GLDC: variants seen among roughly 807,000 people sequenced by gnomAD.
GLDC encodes glycine dehydrogenase (decarboxylating), mitochondrial.
In GLDC, 104 loss-of-function variants were observed where a neutral mutation model predicts 121.3. The ratio of observed to expected loss-of-function variants is 0.86; its 90% confidence interval spans 0.73 to 1.01. GLDC has a LOEUF of 1.01. GLDC is among the 50% of genes least tolerant of loss of function. The pLI, the probability that GLDC is intolerant of heterozygous loss-of-function variation, is 0.00. For synonymous variants in GLDC, 546 were observed against 480.6 expected, an observed-to-expected ratio of 1.14 and a Z score of -1.78; for missense variants, 1,429 against 1,306.6, an observed-to-expected ratio of 1.09 and a Z score of -1.44.
At chr9:6,622,295 G>A (rs935681008) in intron 2 of GLDC, among the ~76,000 whole-genome samples, 12 of 148,104 alleles carry the variant, frequency 8.1e-5, no homozygotes, top group African/African-American at 3.0e-4. Context: ...TCCACGGGCC[G>A]AAGCTGGACT....
intron 15 of GLDC, among the ~76,000 whole-genome samples, chr9:6,566,870 T>C (rs1587932567): frequency 6.6e-6 from 1 of 152,234 alleles, no homozygotes; most frequent in East Asian, 1.9e-4. Flanking sequence ...AATGTGTATG[T>C]TCTCCATGCC....
chr9:6,640,777 A>G (rs1819615439), intron 2 of GLDC, among the ~76,000 whole-genome samples: 1 of 152,226 alleles, frequency 6.6e-6, no homozygotes, highest in Non-Finnish European at 1.5e-5. Flanking sequence ...GAGGCATACC[A>G]TAGCTAAAAG....
intron 12 of GLDC, 138 bp downstream of exon 12, chr9:6,589,057 T>G: frequency 1.4e-6 from 1 of 735,930 alleles, no homozygotes; most frequent in Non-Finnish European, 2.5e-6. Flanking sequence ...GGGATCGTTA[T>G]GAGGATGAAA....
At chr9:6,638,708 G>A (rs1164209809) in intron 2 of GLDC, among the ~76,000 whole-genome samples, 1 of 151,890 alleles carries the variant, frequency 6.6e-6, no homozygotes, top group African/African-American at 2.4e-5. Flanking sequence ...TAGTGACTAT[G>A]TTTATTCAAA....
chr9:6,602,298 G>T, intron 7 of GLDC, 93 bp from the exon 8 acceptor site: 5 of 827,358 alleles, frequency 6.0e-6, no homozygotes, highest in Middle Eastern at 2.2e-4. Context: ...CCAGCTTGAA[G>T]TGAATTCAGC....
At chr9:6,640,297 G>A (rs1020523439) in intron 2 of GLDC, among the ~76,000 whole-genome samples, 9 of 152,320 alleles carry the variant, frequency 5.9e-5, no homozygotes, top group East Asian at 1.9e-4. Context: ...TGAATGAGTC[G>A]GGAATGGCCA....
chr9:6,617,424 C>G (rs1818987262), intron 3 of GLDC, among the ~76,000 whole-genome samples: 1 of 152,044 alleles, frequency 6.6e-6, no homozygotes, highest in African/African-American at 2.4e-5. Flanking sequence ...GGCCAGTATT[C>G]AGATGGCTGG....
intron 9 of GLDC, 163 bp from the exon 10 acceptor site, chr9:6,593,153 G>A: frequency 2.9e-6 from 2 of 678,190 alleles, no homozygotes; most frequent in Non-Finnish European, 5.2e-6. Context: ...TTATTATCAT[G>A]CTGTAGAAAA....
intron 11 of GLDC, 22 bp downstream of exon 11, chr9:6,592,121 C>A (rs78073049): frequency 2.1e-6 from 3 of 1,422,906 alleles, no homozygotes; most frequent in South Asian, 1.1e-5. Context: ...TGATGAGGAA[C>A]GCATGTTTTT....
chr9:6,555,327 C>T (rs1817601936), intron 18 of GLDC, among the ~76,000 whole-genome samples: 2 of 152,210 alleles, frequency 1.3e-5, no homozygotes, highest in African/African-American at 2.4e-5. Context: ...CATGCCATCC[C>T]ACTAGCCTTC....
At chr9:6,540,357 T>G (rs939732843) in intron 21 of GLDC, 11 of 552,538 alleles carry the variant, frequency 2.0e-5, no homozygotes, top group South Asian at 4.0e-5. Flanking sequence ...ACTGTGCCGA[T>G]GTGTCTTATC....
intron 4 of GLDC, among the ~76,000 whole-genome samples, chr9:6,607,213 T>C (rs1182394007): frequency 6.6e-6 from 1 of 152,214 alleles, no homozygotes; most frequent in Admixed American, 6.5e-5. Context: ...CAATAACAAT[T>C]TTTAAAAAAT....
chr9:6,645,190 C>T, intron 1 of GLDC, 55 bp downstream of exon 1: 2 of 1,502,248 alleles, frequency 1.3e-6, no homozygotes, highest in Non-Finnish European at 1.8e-6. Flanking sequence ...GCCGCGCAGG[C>T]AGAGCCCGGG....
At chr9:6,622,517 T>C (rs543729623) in intron 2 of GLDC, among the ~76,000 whole-genome samples, 151 of 152,276 alleles carry the variant, frequency 9.9e-4, no homozygotes, top group African/African-American at 3.5e-3. Context: ...GTGCCGGGAT[T>C]GCAGACAGAG....
Position 6,592,919 on chromosome 9 carries a change from A to G in GLDC, c.1333T>C (p.Ser445Pro), listed in dbSNP as rs756770984. 3.1e-6 allele frequency: 5 copies of G among 1,613,868 alleles called. No individual in the cohort carries two copies. Among genetic ancestry groups the G allele is most frequent in the Non-Finnish European group, 4.2e-6 (5 of 1,179,810 alleles). The change falls in exon 10 of 25, where the codon TCA becomes CCA. Residue 445 changes from serine (S) to proline (P), a missense_variant. Physicochemically the swap from Ser to Pro is moderately conservative, Grantham distance 74. Transcript: ENST00000321612. The part of the protein sequence containing the change: ...FDTLKIQCGC[S>P]VKEVLGRAAQ... ...GCCCTGCCCAAGACCTCCTTCACTGAGCAGCCACACTGAATCTTCAAGGTA... is the reference window on the plus strand; with the variant it reads ...GCCCTGCCCAAGACCTCCTTCACTGGGCAGCCACACTGAATCTTCAAGGTA...
chr9:6,619,547 G>C (rs1819039301), intron 3 of GLDC, among the ~76,000 whole-genome samples: 1 of 152,118 alleles, frequency 6.6e-6, no homozygotes, highest in South Asian at 2.1e-4. Context: ...GGCCAACACG[G>C]TGAAACCCCA....
intron 22 of GLDC, among the ~76,000 whole-genome samples, chr9:6,539,323 T>TA (rs1246883709): frequency 1.3e-4 from 20 of 151,604 alleles, no homozygotes; most frequent in African/African-American, 4.4e-4. Context: ...ACTAAAAATA[T>TA]AAAAAAATAG....
At chr9:6,613,631 A>C (rs1316619567) in intron 3 of GLDC, among the ~76,000 whole-genome samples, 1 of 152,164 alleles carries the variant, frequency 6.6e-6, no homozygotes, top group Non-Finnish European at 1.5e-5. Context: ...CTTCAGGTAA[A>C]TCTTGATTTA....
intron 18 of GLDC, 73 bp downstream of exon 18, chr9:6,556,080 G>T: frequency 7.6e-7 from 1 of 1,319,366 alleles, no homozygotes. Context: ...CTCTCAAGAA[G>T]TCAGAATTTT....
Sources: allele counts gnomAD v4.1 joint callset (sites outside exome capture counted in the v4.1 genomes callset), GRCh38; gene constraint gnomAD v4.1.1; transcripts MANE v1.5; gene names NCBI Gene and HGNC (gene_info 2026-07-23, HGNC 2026-07-21).